The following CELF2 variants were observed in gnomAD, a reference collection of about 807,000 sequenced individuals.
CELF2 encodes the protein CUG triplet repeat RNA-binding protein 2.
A neutral mutation model predicts 62.6 loss-of-function variants in CELF2; 8 were observed. That is an observed-to-expected ratio of 0.13 (90% CI 0.07 to 0.23). The LOEUF is 0.23. Among genes scored for constraint, CELF2 ranks in the 10% least tolerant of loss-of-function variants. The probability of loss-of-function intolerance (pLI) is 1.00; values close to 1 mark genes in which losing one functional copy is unlikely to be tolerated. For synonymous variants in CELF2, 258 were observed against 250.0 expected (o/e 1.03, Z -0.30); for missense variants, 333 against 671.0 (o/e 0.50, Z 5.56).
the CELF2 span, among the ~76,000 whole-genome samples, chr10:10,766,463 G>A: frequency 6.6e-6 from 1 of 152,196 alleles, no homozygotes; most frequent in Admixed American, 6.5e-5. Flanking sequence ...TGTGTTCCGG[G>A]AAAGACACAC....
intron 3 of CELF2, among the ~76,000 whole-genome samples, chr10:11,248,489 C>CTGTATT (rs1345768121): frequency 6.6e-6 from 1 of 152,110 alleles, no homozygotes; most frequent in Non-Finnish European, 1.5e-5. Context: ...TGTTCGTATT[C>CTGTATT]TGTATTTGTA....
chr10:11,157,393 CA>C lies in CELF2; in HGVS notation c.75-8092del, dbSNP rs1554883651. Among the ~76,000 whole-genome samples the C allele has an allele frequency of 0.034, 4,167 of 123,630 alleles. 94 individuals are homozygous for C. The highest frequency in any genetic ancestry group is 0.047 in the Middle Eastern group (10 of 214). 81.1% of individuals were successfully genotyped at this position (123,630 alleles called of 152,430 possible). A position where few individuals can be genotyped will look rare whatever the true frequency, so the allele number is the denominator to read the frequency against. ...TTGACTTTGATATCCGCCCTCCCCC[CA>C]CACACACACACACAAAAATTTCACT... On this transcript the variant is annotated intron_variant, in intron 1 of 12. Coordinates refer to ENST00000633077, the MANE Select transcript of CELF2 (RefSeq NM_001326342.2). The surrounding 1 kb of genome is among the most constrained non-coding windows in gnomAD (Gnocchi z 4.9).
chr10:10,517,041 G>A, the CELF2 span, among the ~76,000 whole-genome samples: 2 of 152,284 alleles, frequency 1.3e-5, no homozygotes, highest in East Asian at 3.9e-4. Flanking sequence ...GAAGAGCTGT[G>A]TGGAAACAGC....
chr10:10,971,950 T>C (rs979903031), intron 2 of CELF2, among the ~76,000 whole-genome samples: 1 of 152,320 alleles, frequency 6.6e-6, no homozygotes, highest in Admixed American at 6.5e-5. Context: ...GAAAATAAAA[T>C]AGGTATATAA....
At position 10,938,045 on chromosome 10, in the gene CELF2, T is replaced by C. The variant is rs1293138365; in HGVS notation, c.89+18046T>C. ...ATTCAGTCTATCCCCTCAACTAAAG[T>C]AAACTGAGGTATCTTAGATATAGAA... On this transcript the variant is annotated intron_variant, in intron 2 of 13. Coordinates refer to the CELF2 transcript ENST00000636488. This position sits in a 1 kb window ranked among gnomAD's most constrained non-coding sequence, Gnocchi z 4.2. Among the ~76,000 whole-genome samples the C allele has an allele frequency of 1.3e-5, 2 of 152,152 alleles. No homozygotes were observed. The highest frequency in any genetic ancestry group is 2.9e-5 in the Non-Finnish European group (2 of 68,024).
chr10:11,219,019 T>G (rs1189495878), intron 3 of CELF2, among the ~76,000 whole-genome samples: 4 of 152,220 alleles, frequency 2.6e-5, no homozygotes, highest in Non-Finnish European at 5.9e-5. Context: ...ACAAATGCTT[T>G]CTAGTAATGA....
chr10:11,019,329 A>G (rs931219194), intron 1 of CELF2, among the ~76,000 whole-genome samples: 6 of 152,172 alleles, frequency 3.9e-5, no homozygotes, highest in African/African-American at 1.4e-4. Context: ...ATCCAGTGAG[A>G]AAAAAATGGA....
intron 2 of CELF2, among the ~76,000 whole-genome samples, chr10:10,933,188 A>G (rs1007012252): frequency 2.0e-5 from 3 of 151,464 alleles, no homozygotes; most frequent in Admixed American, 6.6e-5. Flanking sequence ...CTGTAGTCCC[A>G]GTGACTCAGG....
chr10:11,162,354 G>A (rs1021141556), intron 1 of CELF2, among the ~76,000 whole-genome samples: 8 of 152,208 alleles, frequency 5.3e-5, no homozygotes, highest in African/African-American at 1.7e-4. Context: ...GTGGGGGGTG[G>A]TGATATTTCA....
the CELF2 span, among the ~76,000 whole-genome samples, chr10:10,556,440 C>T: frequency 6.6e-6 from 1 of 152,148 alleles, no homozygotes; most frequent in Admixed American, 6.5e-5. Flanking sequence ...CATTCTTGGA[C>T]ATTTGGGTTG....
the CELF2 span, among the ~76,000 whole-genome samples, chr10:10,572,602 G>A: frequency 6.6e-6 from 1 of 151,610 alleles, no homozygotes; most frequent in African/African-American, 2.4e-5. Context: ...GTGAGAACAT[G>A]TGGTGTTTGG....
the CELF2 span, among the ~76,000 whole-genome samples, chr10:10,491,740 C>T: frequency 1.3e-5 from 2 of 152,096 alleles, no homozygotes; most frequent in Non-Finnish European, 2.9e-5. Context: ...TCAGTTAAGC[C>T]ACATTGACAA....
chr10:10,642,901 G>A, the CELF2 span, among the ~76,000 whole-genome samples: 9 of 152,294 alleles, frequency 5.9e-5, no homozygotes, highest in South Asian at 1.7e-3. Context: ...ATCTGACCCC[G>A]GTGTTGCCAC....
At chr10:10,470,404 C>T in the CELF2 span, among the ~76,000 whole-genome samples, 2 of 151,772 alleles carry the variant, frequency 1.3e-5, no homozygotes, top group African/African-American at 4.8e-5. Context: ...ACAGATCTCA[C>T]TAGACAAAAA....
At chr10:10,767,433 C>G in the CELF2 span, among the ~76,000 whole-genome samples, 2 of 152,074 alleles carry the variant, frequency 1.3e-5, no homozygotes, top group Non-Finnish European at 2.9e-5. Flanking sequence ...TGCTCTCAGC[C>G]TAAGTCCCTC....
At chr10:11,250,927 C>T (rs2076932510) in intron 4 of CELF2, among the ~76,000 whole-genome samples, 1 of 152,244 alleles carries the variant, frequency 6.6e-6, no homozygotes, top group Non-Finnish European at 1.5e-5. Flanking sequence ...AAGACCACTT[C>T]ACCCAGGCGG....
At position 11,282,153 on chromosome 10, in the gene CELF2, GTCCCTCCCTATCCC is replaced by G. The variant is rs781063289; in HGVS notation, c.842-6249_842-6236del. ...TCCTTCCTCTTCCTCCCCTCCATCC[GTCCCTCCCTATCCC>G]TCCCTCCCTATCCCTTCTAAACTTC... On this transcript the variant is annotated intron_variant, in intron 8 of 12. Transcript: ENST00000633077. Among the ~76,000 whole-genome samples, 340 of 152,136 alleles carry G rather than the reference GTCCCTCCCTATCCC, an allele frequency of 2.2e-3. 3 individuals carry two copies. The highest frequency in any genetic ancestry group is 4.1e-3 in the Non-Finnish European group (276 of 67,986).
chr10:11,288,838 TAGTTA>T (rs1271541768), intron 9 of CELF2, among the ~76,000 whole-genome samples: 2 of 152,234 alleles, frequency 1.3e-5, no homozygotes, highest in African/African-American at 4.8e-5. Context: ...CATTCAACAC[TAGTTA>T]AGTTGTTACC....
chr10:10,836,129 A>G (rs896111047), intron 1 of CELF2, among the ~76,000 whole-genome samples: 1 of 152,194 alleles, frequency 6.6e-6, no homozygotes, highest in Non-Finnish European at 1.5e-5. Flanking sequence ...CTTGAGATAT[A>G]AACTGTGGAA....
Sources: gnomAD v4.1 joint callset for allele counts (sites outside exome capture counted in the v4.1 genomes callset) on GRCh38, gnomAD v4.1.1 for gene constraint, Gnocchi (gnomAD v3.1) non-coding constraint, MANE v1.5 for transcripts, NCBI Gene and HGNC (gene_info 2026-07-23, HGNC 2026-07-21) for gene names.